The following STK3 variants were observed in gnomAD, a reference collection of about 807,000 sequenced individuals.
STK3 encodes the protein serine/threonine-protein kinase 3.
STK3 carries 41 observed loss-of-function variants against 58.0 expected under a neutral mutation model. The ratio of observed to expected loss-of-function variants is 0.71; its 90% CI spans 0.55 to 0.92. The LOEUF (loss-of-function observed/expected upper bound fraction) is 0.92, where lower values mean the gene tolerates loss of function less well. STK3 is among the 40% of genes least tolerant of loss of function. The pLI is 0.00. For synonymous variants in STK3, 170 were observed against 191.0 expected, an observed-to-expected ratio of 0.89 and a Z score of 0.91; for missense variants, 479 against 602.7, an observed-to-expected ratio of 0.79 and a Z score of 2.15.
intron 3 of STK3, among the ~76,000 whole-genome samples, chr8:98,867,344 G>T (rs573566074): frequency 2.0e-5 from 3 of 152,176 alleles, no homozygotes; most frequent in Non-Finnish European, 4.4e-5. Context: ...AGCCTGGGAG[G>T]CGGAGGTTCC....
intron 1 of STK3, among the ~76,000 whole-genome samples, chr8:98,788,848 G>A (rs576137921): frequency 5.3e-5 from 8 of 152,210 alleles, no homozygotes; most frequent in African/African-American, 1.9e-4. Flanking sequence ...GCACTAGACA[G>A]GTCATCAACA....
intron 2 of STK3, among the ~76,000 whole-genome samples, chr8:98,768,233 A>G (rs140452457): frequency 6.6e-6 from 1 of 152,336 alleles, no homozygotes; most frequent in African/African-American, 2.4e-5. Flanking sequence ...TCGTCATTAA[A>G]AGATGAGAAA....
intron 2 of STK3, 103 bp from the exon 3 acceptor site, chr8:98,767,474 C>G: frequency 9.2e-7 from 1 of 1,085,454 alleles, no homozygotes; most frequent in Non-Finnish European, 1.3e-6. Flanking sequence ...TAGTTTAAAA[C>G]ACTATTTAAA....
intron 3 of STK3, among the ~76,000 whole-genome samples, chr8:98,416,568 G>A (rs1818116900): frequency 6.6e-6 from 1 of 152,238 alleles, no homozygotes; most frequent in Admixed American, 6.5e-5. Context: ...GGTGGGAGAG[G>A]GTCAGGAGAG....
chr8:98,878,711 G>T (rs1837662945), intron 3 of STK3, among the ~76,000 whole-genome samples: 1 of 151,820 alleles, frequency 6.6e-6, no homozygotes, highest in Admixed American at 6.6e-5. Context: ...CATTTGTAAG[G>T]GTGCACCCTT....
chr8:98,715,955 A>C (rs1472723426), intron 4 of STK3, among the ~76,000 whole-genome samples: 1 of 152,212 alleles, frequency 6.6e-6, no homozygotes, highest in East Asian at 1.9e-4. Flanking sequence ...TGCAGCCATA[A>C]AAAATGATGA....
downstream of STK3, chr8:98,878,795 C>A (rs1233852305): frequency 6.1e-6 from 1 of 164,328 alleles, no homozygotes; most frequent in East Asian, 1.8e-4. Flanking sequence ...TTTGTAGCAC[C>A]AAAACTTTAT....
chr8:98,616,999 C>G (rs1413825039), intron 6 of STK3, among the ~76,000 whole-genome samples: 1 of 152,108 alleles, frequency 6.6e-6, no homozygotes, highest in Non-Finnish European at 1.5e-5. Context: ...CCCAAATCAA[C>G]AGAATATACG....
intron 8 of STK3, among the ~76,000 whole-genome samples, chr8:98,566,881 C>T (rs1319685260): frequency 1.3e-5 from 2 of 152,094 alleles, no homozygotes; most frequent in African/African-American, 4.8e-5. Flanking sequence ...CCAAAATATC[C>T]ATCTAAAACT....
chr8:98,447,569 A>C (rs908642256), intron 1 of STK3, among the ~76,000 whole-genome samples: 23 of 147,800 alleles, frequency 1.6e-4, no homozygotes, highest in African/African-American at 5.4e-4. Context: ...TATAGTATCT[A>C]TATATTGCAA....
At chr8:98,807,245 T>C (rs188824478) in intron 1 of STK3, among the ~76,000 whole-genome samples, 28 of 152,082 alleles carry the variant, frequency 1.8e-4, no homozygotes. Flanking sequence ...TATTTGGGTT[T>C]TTGGTTTTGG....
intron 1 of STK3, among the ~76,000 whole-genome samples, chr8:98,447,906 T>C (rs1202833044): frequency 1.3e-5 from 2 of 148,350 alleles, no homozygotes; most frequent in Admixed American, 1.3e-4. Context: ...TTAAGAACTT[T>C]GTATGTAACT....
intron 10 of STK3, among the ~76,000 whole-genome samples, chr8:98,483,818 T>C (rs1173410921): frequency 6.6e-6 from 1 of 152,134 alleles, no homozygotes; most frequent in African/African-American, 2.4e-5. Context: ...TGGTACTTAA[T>C]TTGGTCTGGG....
intron 3 of STK3, among the ~76,000 whole-genome samples, chr8:98,842,992 T>C (rs1384752282): frequency 1.3e-5 from 2 of 151,940 alleles, no homozygotes; most frequent in Admixed American, 1.3e-4. Context: ...TACTCCAGCC[T>C]GGGTAATGGA....
Position 98,867,154 on chromosome 8 carries a change from T to C in STK3, c.110+16493A>G, listed in dbSNP as rs75517034. Among the ~76,000 whole-genome samples, 589 of 152,328 alleles carry C rather than the reference T, an allele frequency of 3.9e-3. 23 individuals carry two copies. In the East Asian group the frequency reaches 0.085, roughly 22 times the overall value. ...GAAACTGGCCTGGCGCAGTGGTTCA[T>C]GTCTATAATCCTAGCACGTTGGGAG... is the stretch of plus-strand genomic sequence containing the variant. On this transcript the variant is annotated intron_variant, in intron 3 of 12. Transcript: ENST00000523601.
intron 6 of STK3, among the ~76,000 whole-genome samples, chr8:98,683,794 G>A (rs1033660056): frequency 6.6e-6 from 1 of 152,066 alleles, no homozygotes; most frequent in African/African-American, 2.4e-5. Context: ...TTGAAATGCA[G>A]AACTGTAATA....
chr8:98,701,405 G>A (rs1402710148), intron 6 of STK3, among the ~76,000 whole-genome samples: 1 of 152,060 alleles, frequency 6.6e-6, no homozygotes, highest in Non-Finnish European at 1.5e-5. Flanking sequence ...ATCACTTGAG[G>A]TCAGGAGTTC....
chr8:98,429,111 G>A lies in STK3; in HGVS notation n.483+5016C>T, dbSNP rs374343304. On this transcript the variant is annotated intron_variant and non_coding_transcript_variant, in intron 3 of 3. Transcript: ENST00000517832. Reference sequence around the variant, plus strand: ...CGTCAGTATGACCACAGTGGGGTACGGGGATGTGGTCCCAGGGACCACGGC... The same window carrying A: ...CGTCAGTATGACCACAGTGGGGTACAGGGATGTGGTCCCAGGGACCACGGC... 9 of 1,613,342 alleles carry A rather than the reference G, an allele frequency of 5.6e-6. No homozygotes were observed. Among genetic ancestry groups the A allele is most frequent in the African/African-American group, 1.3e-5 (1 of 74,894 alleles).
chr8:98,782,445 TG>T, intron 1 of STK3: 2 of 251,968 alleles, frequency 7.9e-6, no homozygotes, highest in South Asian at 5.8e-5. Context: ...CAAAAACAGG[TG>T]GATTCTCATG....
Sources: allele counts gnomAD v4.1 joint callset (sites outside exome capture counted in the v4.1 genomes callset), GRCh38; gene constraint gnomAD v4.1.1; transcripts MANE v1.5; gene names NCBI Gene and HGNC (gene_info 2026-07-23, HGNC 2026-07-21).